The following ERBB4 variants were observed in gnomAD, a reference collection of about 807,000 sequenced individuals.
ERBB4 encodes erb-b2 receptor tyrosine kinase 4, also known as receptor tyrosine-protein kinase erbB-4.
A neutral mutation model predicts 158.0 loss-of-function variants in ERBB4; 42 were observed. That is an observed-to-expected ratio of 0.27 (90% CI 0.21 to 0.34). The LOEUF is 0.34. Ranked by LOEUF, ERBB4 falls within the 10% of genes least tolerant of loss-of-function variation. The pLI is 1.00. For synonymous variants in ERBB4, 583 were observed against 558.7 expected (o/e 1.04, Z -0.61); for missense variants, 1,333 against 1,624.1 (o/e 0.82, Z 3.08).
chr2:211,476,515 G>A (rs2064958033), intron 20 of ERBB4, among the ~76,000 whole-genome samples: 1 of 150,976 alleles, frequency 6.6e-6, no homozygotes, highest in Non-Finnish European at 1.5e-5. Flanking sequence ...CTGAGTTACA[G>A]AAGAGTAGAA....
At chr2:211,455,538 T>C (rs1429116925) in intron 20 of ERBB4, among the ~76,000 whole-genome samples, 3 of 152,228 alleles carry the variant, frequency 2.0e-5, no homozygotes, top group Non-Finnish European at 4.4e-5. Flanking sequence ...AATGTCTATA[T>C]GCTTACATAT....
At chr2:212,296,172 G>A (rs2086404039) in intron 1 of ERBB4, among the ~76,000 whole-genome samples, 1 of 151,888 alleles carries the variant, frequency 6.6e-6, no homozygotes, top group African/African-American at 2.4e-5. Context: ...TGATGTATTA[G>A]CAATCATAGG....
At chr2:211,989,105 G>GT (rs2082007549) in intron 2 of ERBB4, among the ~76,000 whole-genome samples, 1 of 151,756 alleles carries the variant, frequency 6.6e-6, no homozygotes, top group Non-Finnish European at 1.5e-5. Context: ...TTCTTTCTCT[G>GT]TTTTTTGAAT....
At chr2:212,443,654 C>A (rs980883373) in intron 1 of ERBB4, among the ~76,000 whole-genome samples, 3 of 152,244 alleles carry the variant, frequency 2.0e-5, no homozygotes, top group African/African-American at 7.2e-5. Context: ...CAGGTCCAGG[C>A]TGCTGTGCAA....
chr2:212,140,031 G>A (rs1049560760), intron 1 of ERBB4, among the ~76,000 whole-genome samples: 7 of 151,612 alleles, frequency 4.6e-5, no homozygotes, highest in African/African-American at 1.7e-4. Flanking sequence ...TTTCTTTTCA[G>A]ATGCATTTAC....
chr2:212,303,857 G>C (rs2086711521), intron 1 of ERBB4, among the ~76,000 whole-genome samples: 1 of 151,460 alleles, frequency 6.6e-6, no homozygotes. Context: ...GAAGTGCAGG[G>C]AAGAAGAAAT....
At chr2:211,435,160 G>T (rs1288963051) in intron 20 of ERBB4, among the ~76,000 whole-genome samples, 1 of 152,204 alleles carries the variant, frequency 6.6e-6, no homozygotes, top group African/African-American at 2.4e-5. Context: ...GATGAAGTCC[G>T]TGGAAGTTTC....
At chr2:212,242,980 C>T (rs2084169601) in intron 1 of ERBB4, among the ~76,000 whole-genome samples, 1 of 152,110 alleles carries the variant, frequency 6.6e-6, no homozygotes, top group Non-Finnish European at 1.5e-5. Context: ...AAGCACCCTC[C>T]CCTTTTCCCC....
In ERBB4 at chr2:212,124,637, C is replaced by G; in HGVS notation, c.234+115G>C. The G allele has an allele frequency of 5.9e-6, 7 of 1,178,596 alleles. No homozygotes were observed. In the Admixed American group the frequency reaches 1.2e-4, roughly 21 times the overall value. The allele number at this position is 1,178,596 out of a possible 1,614,324, so 73.0% of individuals were successfully genotyped here. On this transcript the variant is annotated intron_variant, in intron 2 of 27. Transcript: ENST00000342788. ...ATCTCTTATCTTTTGCCTATAGTCACAGTGCCTGCCAGGCAGAAGAGCACC... is the reference window on the plus strand; with the variant it reads ...ATCTCTTATCTTTTGCCTATAGTCAGAGTGCCTGCCAGGCAGAAGAGCACC...
intron 20 of ERBB4, among the ~76,000 whole-genome samples, chr2:211,462,096 G>A (rs1483275649): frequency 6.6e-6 from 1 of 151,992 alleles, no homozygotes; most frequent in Non-Finnish European, 1.5e-5. Flanking sequence ...TCTACAGGAA[G>A]CATGATGCTG....
intron 1 of ERBB4, among the ~76,000 whole-genome samples, chr2:212,192,001 A>ATATGT (rs1559706847): frequency 3.6e-5 from 3 of 84,400 alleles, no homozygotes; most frequent in Non-Finnish European, 8.2e-5. Flanking sequence ...TATATATGTT[A>ATATGT]TATATAATAT....
intron 3 of ERBB4, among the ~76,000 whole-genome samples, chr2:211,838,580 C>T (rs2077394251): frequency 6.6e-6 from 1 of 152,096 alleles, no homozygotes; most frequent in Admixed American, 6.6e-5. Context: ...AAAACAAATA[C>T]AATTCATATC....
intron 3 of ERBB4, among the ~76,000 whole-genome samples, chr2:211,920,740 C>A (rs1271943484): frequency 1.4e-5 from 2 of 146,624 alleles, no homozygotes; most frequent in Non-Finnish European, 3.0e-5. Flanking sequence ...AGTGTTCTGG[C>A]TGTAATTTTG....
chr2:212,132,797 T>C (rs2080146733), intron 1 of ERBB4, among the ~76,000 whole-genome samples: 1 of 152,100 alleles, frequency 6.6e-6, no homozygotes, highest in Non-Finnish European at 1.5e-5. Flanking sequence ...GCGCTATATA[T>C]AGCATATATG....
chr2:211,734,269 T>C (rs1482177728), intron 5 of ERBB4, among the ~76,000 whole-genome samples: 1 of 152,114 alleles, frequency 6.6e-6, no homozygotes, highest in Non-Finnish European at 1.5e-5. Flanking sequence ...AAAGTAATGT[T>C]CAGACATCTC....
intron 1 of ERBB4, among the ~76,000 whole-genome samples, chr2:212,457,619 T>G (rs1688365125): frequency 6.6e-6 from 1 of 152,068 alleles, no homozygotes; most frequent in Non-Finnish European, 1.5e-5. Flanking sequence ...TACTTCTACA[T>G]CTGTTATCTT....
At chr2:211,590,319 T>G (rs1019819488) in intron 19 of ERBB4, among the ~76,000 whole-genome samples, 1 of 152,116 alleles carries the variant, frequency 6.6e-6, no homozygotes, top group African/African-American at 2.4e-5. Context: ...AGAACAAACT[T>G]CCTTCTTGCC....
At chr2:211,686,893 G>A (rs1381401384) in intron 12 of ERBB4, among the ~76,000 whole-genome samples, 1 of 151,988 alleles carries the variant, frequency 6.6e-6, no homozygotes, top group Non-Finnish European at 1.5e-5. Flanking sequence ...CTTCATTTAT[G>A]AATACTAATA....
intron 3 of ERBB4, among the ~76,000 whole-genome samples, chr2:211,922,778 A>C (rs1456448305): frequency 6.6e-6 from 1 of 152,184 alleles, no homozygotes; most frequent in Non-Finnish European, 1.5e-5. Context: ...TTGTCAGAGG[A>C]TATAACCTTT....
Sources: gnomAD v4.1 joint callset for allele counts (sites outside exome capture counted in the v4.1 genomes callset) on GRCh38, gnomAD v4.1.1 for gene constraint, MANE v1.5 for transcripts, NCBI Gene and HGNC (gene_info 2026-07-23, HGNC 2026-07-21) for gene names.